PCDHGA10: variants seen among roughly 807,000 people sequenced by gnomAD.
PCDHGA10 encodes protocadherin gamma-A10.
Under a neutral mutation model 59.5 loss-of-function variants are expected in PCDHGA10, and 42 were observed. That is an observed-to-expected ratio of 0.71 (90% CI 0.55 to 0.91). The LOEUF (loss-of-function observed/expected upper bound fraction) is 0.91. PCDHGA10 is among the 40% of genes least tolerant of loss of function. The pLI is 0.00. For synonymous variants in PCDHGA10, 511 were observed against 517.2 expected, an observed-to-expected ratio of 0.99 and a Z score of 0.16; for missense variants, 1,111 against 1,198.2, an observed-to-expected ratio of 0.93 and a Z score of 1.07.
chr5:141,511,450 C>A lies in PCDHGA10; in HGVS notation c.*277C>A. Reference sequence around the variant, plus strand: ...TGGGGTTACTGTAGACACCAAGAACCATTTGCCACACCCCGTTTAGTTACA... The same window carrying A: ...TGGGGTTACTGTAGACACCAAGAACAATTTGCCACACCCCGTTTAGTTACA... On this transcript the variant is annotated 3_prime_UTR_variant, in exon 4 of 4. Transcript: ENST00000398610. The A allele has an allele frequency of 3.3e-6, 2 of 615,088 alleles. No homozygotes were observed. The highest frequency in any genetic ancestry group is 6.8e-5 in the East Asian group (2 of 29,272). The allele number at this position is 615,088 out of a possible 1,614,324, so 38.1% of individuals were successfully genotyped here.
intron 1 of PCDHGA10, among the ~76,000 whole-genome samples, chr5:141,452,674 G>A (rs2098746885): frequency 6.6e-6 from 1 of 151,936 alleles, no homozygotes; most frequent in Non-Finnish European, 1.5e-5. Context: ...TCCAGCCTAG[G>A]CCACAGAATG....
chr5:141,457,045 C>T (rs1489830197), intron 1 of PCDHGA10, among the ~76,000 whole-genome samples: 1 of 152,198 alleles, frequency 6.6e-6, no homozygotes, highest in African/African-American at 2.4e-5. Context: ...GATAGTAAAA[C>T]TTTCATGCTT....
At chr5:141,443,090 C>T (rs1403922939) in intron 1 of PCDHGA10, among the ~76,000 whole-genome samples, 3 of 151,926 alleles carry the variant, frequency 2.0e-5, no homozygotes, top group Non-Finnish European at 2.9e-5. Context: ...TTCCAGTCTC[C>T]TTCTCAAGCT....
At chr5:141,488,834 G>A (rs976460724) in intron 1 of PCDHGA10, among the ~76,000 whole-genome samples, 1 of 152,160 alleles carries the variant, frequency 6.6e-6, no homozygotes, top group Admixed American at 6.5e-5. Context: ...GCTGCCAAGG[G>A]GGCTGAATCA....
intron 2 of PCDHGA10, among the ~76,000 whole-genome samples, chr5:141,503,010 A>T (rs1595838084): frequency 6.8e-6 from 1 of 146,772 alleles, no homozygotes; most frequent in East Asian, 2.0e-4. Context: ...TGCCCGGTTA[A>T]TTTTTTTTTT....
chr5:141,422,140 C>T (rs1275997338), intron 1 of PCDHGA10: 15 of 1,586,774 alleles, frequency 9.5e-6, no homozygotes, highest in Non-Finnish European at 1.3e-5. Flanking sequence ...AGTTCAAGTA[C>T]GGGGGTCTCT....
chr5:141,437,756 T>A (rs1208576922), intron 1 of PCDHGA10, among the ~76,000 whole-genome samples: 1 of 151,718 alleles, frequency 6.6e-6, no homozygotes, highest in Non-Finnish European at 1.5e-5. Flanking sequence ...TTTTTTTTTT[T>A]GAGACAGAGT....
chr5:141,497,540 CTTT>C (rs754207034), intron 2 of PCDHGA10, among the ~76,000 whole-genome samples: 11 of 134,886 alleles, frequency 8.2e-5, no homozygotes, highest in African/African-American at 1.9e-4. Context: ...TGCAACAAAC[CTTT>C]TTTTTTTTTT....
intron 1 of PCDHGA10, chr5:141,426,302 A>G (rs1590676929): frequency 1.2e-5 from 2 of 172,322 alleles, no homozygotes; most frequent in East Asian, 1.4e-4. Context: ...AACAGGGTGA[A>G]GCAGAGAAGC....
chr5:141,421,569 C>T (rs1029858235), intron 1 of PCDHGA10: 2 of 1,613,884 alleles, frequency 1.2e-6, no homozygotes, highest in Non-Finnish European at 1.7e-6. Flanking sequence ...TGGAAGACAC[C>T]TTGAAGATTT....
At chr5:141,430,834 G>T (rs1317415848) in intron 1 of PCDHGA10, 1 of 1,557,712 alleles carries the variant, frequency 6.4e-7, no homozygotes, top group Non-Finnish European at 8.7e-7. Context: ...CTCTGTGGGA[G>T]ACCGGATGCA....
At position 141,485,260 on chromosome 5, in the gene PCDHGA10, G is replaced by A. The variant is rs773919574; in HGVS notation, c.2437-9547G>A. On this transcript the variant is annotated intron_variant, in intron 1 of 3. Transcript: ENST00000398610. This position sits in a 1 kb window ranked among gnomAD's most constrained non-coding sequence, Gnocchi z 5.7. ...TTTACCACCTGGGTTACGTTTGTGG[G>A]CAGATCCGCTACCCGGTCCCAGAGG... The A allele has an allele frequency of 8.7e-6, 14 of 1,614,002 alleles. No individual in the cohort carries two copies. In the African/African-American group the frequency reaches 1.5e-4, roughly 17 times the overall value.
chr5:141,500,434 C>T (rs1216731905), intron 2 of PCDHGA10, among the ~76,000 whole-genome samples: 1 of 152,014 alleles, frequency 6.6e-6, no homozygotes, highest in Non-Finnish European at 1.5e-5. Flanking sequence ...TGGTCTCGAT[C>T]TCCTGACCTC....
chr5:141,415,863 G>A, intron 1 of PCDHGA10: 4 of 1,107,154 alleles, frequency 3.6e-6, no homozygotes, highest in Non-Finnish European at 4.7e-6. Flanking sequence ...GTAGTTTATA[G>A]TGTTGTTGAG....
chr5:141,413,054 A>G lies in PCDHGA10; in HGVS notation c.-122A>G, dbSNP rs2095600698. 1 of 981,614 alleles carries G rather than the reference A, an allele frequency of 1.0e-6. No individual in the cohort carries two copies. Among genetic ancestry groups the G allele is most frequent in the African/African-American group, 1.6e-5 (1 of 60,890 alleles). 60.8% of individuals were successfully genotyped at this position (981,614 alleles called of 1,614,324 possible). On this transcript the variant is annotated 5_prime_UTR_variant, in exon 1 of 4. Transcript: ENST00000398610. Reference sequence around the variant, plus strand: ...CGGCTGCTGGGCTGCAGGGAAGCTCACTCCAGAATTTAAAGTGCCCAGGCT... The same window carrying G: ...CGGCTGCTGGGCTGCAGGGAAGCTCGCTCCAGAATTTAAAGTGCCCAGGCT...
intron 1 of PCDHGA10, among the ~76,000 whole-genome samples, chr5:141,465,779 G>GT (rs879859429): frequency 0.017 from 2,504 of 144,598 alleles, 23 homozygotes; most frequent in Non-Finnish European, 0.024. Flanking sequence ...TCTTGTTACA[G>GT]TTTTTTTTTT....
In PCDHGA10 at chr5:141,432,635, G is replaced by T. The variant is rs754354737; in HGVS notation, c.2436+17024G>T. 8.7e-6 allele frequency: 14 copies of T among 1,613,004 alleles called. No individual in the cohort carries two copies. The South Asian group carries it at 1.4e-4, about 16-fold the overall frequency. On this transcript the variant is annotated intron_variant, in intron 1 of 3. Transcript: ENST00000398610. This position sits in a 1 kb window ranked among gnomAD's most constrained non-coding sequence, Gnocchi z 6.0. ...CTCGGTGGGTCTGCACACGGGCGAGGTGCGCACGGCGCGAGCCCTGCTGGA... is the reference window on the plus strand; with the variant it reads ...CTCGGTGGGTCTGCACACGGGCGAGTTGCGCACGGCGCGAGCCCTGCTGGA...
intron 1 of PCDHGA10, chr5:141,430,634 C>A: frequency 1.1e-6 from 1 of 882,730 alleles, no homozygotes; most frequent in Non-Finnish European, 1.7e-6. Flanking sequence ...TGAACCATCC[C>A]TGGGAGTATG....
At chr5:141,478,295 T>C (rs1210224121) in intron 1 of PCDHGA10, 5 of 1,614,004 alleles carry the variant, frequency 3.1e-6, no homozygotes, top group African/African-American at 2.7e-5. Flanking sequence ...TAGAGACCTA[T>C]ACCGAGCCCC....
Sources: allele counts gnomAD v4.1 joint callset (sites outside exome capture counted in the v4.1 genomes callset), GRCh38; gene constraint gnomAD v4.1.1; non-coding constraint Gnocchi (gnomAD v3.1); transcripts MANE v1.5; gene names NCBI Gene and HGNC (gene_info 2026-07-23, HGNC 2026-07-21).